The following NBAS variants were observed in gnomAD, a reference collection of about 807,000 sequenced individuals.
NBAS encodes NAG/BC035112 fusion.
Under a neutral mutation model 302.5 loss-of-function variants are expected in NBAS, and 219 were observed. The observed-to-expected ratio is 0.72, with a 90% CI of 0.65 to 0.81. The LOEUF is 0.81. NBAS is among the 30% of genes least tolerant of loss of function. The pLI is 0.00. For missense variants in NBAS, 2,932 were observed against 2,841.6 expected (o/e 1.03, Z -0.72); for synonymous variants, 1,118 against 1,021.6 (o/e 1.09, Z -1.80).
the NBAS span, among the ~76,000 whole-genome samples, chr2:15,102,195 A>T: frequency 5.9e-5 from 9 of 152,200 alleles, no homozygotes; most frequent in Admixed American, 3.3e-4. Context: ...TGAGCTCAAA[A>T]TCATGAGAGA....
chr2:15,543,909 T>C (rs1349679770), intron 6 of NBAS, among the ~76,000 whole-genome samples: 1 of 152,216 alleles, frequency 6.6e-6, no homozygotes, highest in Non-Finnish European at 1.5e-5. Context: ...GTCTATTTTG[T>C]TCATAATGTT....
At chr2:15,254,555 A>T (rs548288841) in intron 44 of NBAS, among the ~76,000 whole-genome samples, 62 of 152,248 alleles carry the variant, frequency 4.1e-4, no homozygotes, top group South Asian at 3.1e-3. Context: ...AGTTATTTTT[A>T]AAAAAATTCA....
At chr2:15,320,655 C>T (rs986334227) in intron 38 of NBAS, among the ~76,000 whole-genome samples, 1 of 151,986 alleles carries the variant, frequency 6.6e-6, no homozygotes, top group African/African-American at 2.4e-5. Context: ...ACAATTGCTA[C>T]AAAGAAAATA....
intron 11 of NBAS, among the ~76,000 whole-genome samples, chr2:15,496,844 CAAAT>C (rs1383489546): frequency 6.6e-6 from 1 of 151,966 alleles, no homozygotes; most frequent in African/African-American, 2.4e-5. Context: ...AATAAACTAA[CAAAT>C]AAATCTACAT....
intron 9 of NBAS, among the ~76,000 whole-genome samples, chr2:15,522,443 G>A (rs1662717161): frequency 6.6e-6 from 1 of 152,172 alleles, no homozygotes; most frequent in Admixed American, 6.6e-5. Context: ...GATGAACACA[G>A]AATATAATAA....
chr2:15,111,946 TATATA>T, the NBAS span, among the ~76,000 whole-genome samples: 2 of 147,718 alleles, frequency 1.4e-5, no homozygotes, highest in Non-Finnish European at 1.5e-5. Context: ...ACTAAAATAA[TATATA>T]ATATATTAAT....
At chr2:15,521,496 T>A (rs1289631123) in intron 9 of NBAS, among the ~76,000 whole-genome samples, 1 of 152,218 alleles carries the variant, frequency 6.6e-6, no homozygotes, top group African/African-American at 2.4e-5. Context: ...ATCTAAAAGC[T>A]GAAAATAGAG....
chr2:15,234,775 A>C, intron 45 of NBAS, 28 bp from the exon 46 acceptor site: 1 of 1,601,594 alleles, frequency 6.2e-7, no homozygotes, highest in Non-Finnish European at 8.6e-7. Context: ...TCAGCACTTA[A>C]GTATCAAATA....
intron 12 of NBAS, among the ~76,000 whole-genome samples, chr2:15,482,556 C>T (rs938076263): frequency 2.0e-4 from 31 of 152,096 alleles, no homozygotes; most frequent in African/African-American, 6.8e-4. Flanking sequence ...AGGTATCACA[C>T]CTTTCCACCC....
intron 28 of NBAS, among the ~76,000 whole-genome samples, chr2:15,386,860 A>G (rs75823806): frequency 0.017 from 2,509 of 152,054 alleles, 45 homozygotes; most frequent in East Asian, 0.059. Flanking sequence ...TTTTCTACAG[A>G]GTAATCTGTT....
rs1377144713 is a variant in NBAS at position 15,275,668 on chromosome 2, T to C, written c.5540A>G (p.Tyr1847Cys). The C allele has an allele frequency of 6.2e-7, 1 of 1,614,116 alleles. No individual in the cohort carries two copies. The highest frequency in any genetic ancestry group is 1.3e-5 in the African/African-American group (1 of 74,940). ...GAACAACTTCTGTAACCAGATGGTG[T>C]ACAGAGAGCTTGGGGAAAGCATCTG... is the stretch of plus-strand genomic sequence containing the variant. ...DGQMLSPSSL[Y>C]TIWLQKLFWT... The change falls in exon 44 of 52, where the codon TAC becomes TGC. Residue 1847 changes from tyrosine to cysteine, a missense_variant. By Grantham distance (194) the Tyr-to-Cys change is radical. Transcript: ENST00000281513.
the NBAS span, among the ~76,000 whole-genome samples, chr2:14,941,366 C>T: frequency 0.16 from 23,682 of 152,168 alleles, 2,545 homozygotes; most frequent in African/African-American, 0.31. Context: ...GACAGAGCCT[C>T]TACATGTGGG....
At chr2:14,957,776 C>A in the NBAS span, among the ~76,000 whole-genome samples, 1 of 152,214 alleles carries the variant, frequency 6.6e-6, no homozygotes, top group Non-Finnish European at 1.5e-5. Context: ...CCCCCTGCAC[C>A]TGTCTCATCC....
the NBAS span, among the ~76,000 whole-genome samples, chr2:14,937,418 C>T: frequency 6.6e-6 from 1 of 152,112 alleles, no homozygotes; most frequent in Non-Finnish European, 1.5e-5. Context: ...CAACAGAAGC[C>T]TACAATTCAT....
At chr2:15,462,717 G>A (rs1679558467) in intron 19 of NBAS, among the ~76,000 whole-genome samples, 3 of 152,222 alleles carry the variant, frequency 2.0e-5, no homozygotes, top group Middle Eastern at 3.4e-3. Flanking sequence ...GCTATGCAGC[G>A]AGCAGGTGAA....
chr2:15,476,193 T>C (rs1392233017), intron 13 of NBAS, among the ~76,000 whole-genome samples: 3 of 152,178 alleles, frequency 2.0e-5, no homozygotes, highest in Non-Finnish European at 2.9e-5. Context: ...GATGTGTCAC[T>C]ACTTTCAACC....
At chr2:15,442,439 G>A (rs1678477431) in intron 21 of NBAS, among the ~76,000 whole-genome samples, 1 of 151,648 alleles carries the variant, frequency 6.6e-6, no homozygotes, top group Admixed American at 6.6e-5. Flanking sequence ...AAATAAAGAT[G>A]TTCTTTGAAA....
chr2:14,972,093 A>G, the NBAS span, among the ~76,000 whole-genome samples: 2 of 152,244 alleles, frequency 1.3e-5, no homozygotes, highest in African/African-American at 4.8e-5. Flanking sequence ...AATGTGGTAC[A>G]CATACACCAT....
At chr2:15,082,142 A>G in the NBAS span, among the ~76,000 whole-genome samples, 1 of 152,160 alleles carries the variant, frequency 6.6e-6, no homozygotes, top group African/African-American at 2.4e-5. Context: ...TGGTGGTATT[A>G]TTGGACCAAT....
Sources: gnomAD v4.1 joint callset for allele counts (sites outside exome capture counted in the v4.1 genomes callset) on GRCh38, gnomAD v4.1.1 for gene constraint, MANE v1.5 for transcripts, NCBI Gene and HGNC (gene_info 2026-07-23, HGNC 2026-07-21) for gene names.